The following AKR1C3 variants were observed in gnomAD, a reference collection of about 807,000 sequenced individuals.
The protein encoded by AKR1C3 is 3-alpha hydroxysteroid dehydrogenase, type II.
A neutral mutation model predicts 43.6 loss-of-function variants in AKR1C3; 48 were observed. That is an observed-to-expected ratio of 1.10 (90% confidence interval 0.87 to 1.40). AKR1C3 has a LOEUF of 1.40. Among genes scored for constraint, AKR1C3 ranks in the 40% most tolerant of loss-of-function variants. AKR1C3 has a pLI of 0.00. For synonymous variants in AKR1C3, 162 were observed against 139.6 expected, an observed-to-expected ratio of 1.16 and a Z score of -1.13; for missense variants, 482 against 391.2, an observed-to-expected ratio of 1.23 and a Z score of -1.96.
upstream of AKR1C3, among the ~76,000 whole-genome samples, chr10:5,092,339 G>T (rs1839111132): frequency 6.6e-6 from 1 of 151,918 alleles, no homozygotes. Flanking sequence ...GCCAATTTGA[G>T]AACTTTTTGA....
At chr10:5,096,290 C>G (rs140602833) in intron 1 of AKR1C3, 120 bp from the exon 2 acceptor site, 2 of 1,264,136 alleles carry the variant, frequency 1.6e-6, no homozygotes, top group East Asian at 5.0e-5. Flanking sequence ...CTGAGATGGA[C>G]TTTTCACCCC....
intron 3 of AKR1C3, chr10:5,098,084 T>G (rs1186169337): frequency 2.0e-6 from 2 of 992,644 alleles, no homozygotes; most frequent in South Asian, 4.6e-5. Flanking sequence ...CAGGAATTAC[T>G]GTGTAGTGTA....
chr10:5,103,841 C>G (rs181067215), intron 7 of AKR1C3, among the ~76,000 whole-genome samples: 1 of 152,114 alleles, frequency 6.6e-6, no homozygotes, highest in Non-Finnish European at 1.5e-5. Context: ...TTCATATAAC[C>G]AAGCAAGTGG....
intron 1 of AKR1C3, 154 bp from the exon 2 acceptor site, chr10:5,096,256 C>T (rs1554785092): frequency 5.7e-6 from 5 of 875,224 alleles, no homozygotes; most frequent in Admixed American, 3.0e-5. Flanking sequence ...ACCTTTATTA[C>T]TAACCAGGAA....
At chr10:5,062,066 A>G (rs1274344799) in intron 1 of AKR1C3, among the ~76,000 whole-genome samples, 2 of 152,250 alleles carry the variant, frequency 1.3e-5, no homozygotes, top group African/African-American at 4.8e-5. Flanking sequence ...AGTTTTTAGG[A>G]GTACAAAGTA....
chr10:5,098,657 TG>T, intron 3 of AKR1C3, 144 bp from the exon 4 acceptor site: 1 of 663,788 alleles, frequency 1.5e-6, no homozygotes, highest in Non-Finnish European at 2.7e-6. Context: ...TACCTTCATA[TG>T]TAAAACACTT....
At chr10:5,087,909 T>C (rs1839007042) in intron 1 of AKR1C3, among the ~76,000 whole-genome samples, 1 of 152,114 alleles carries the variant, frequency 6.6e-6, no homozygotes, top group African/African-American at 2.4e-5. Flanking sequence ...TCCTTAGAAG[T>C]GACTTTAGGT....
intron 1 of AKR1C3, among the ~76,000 whole-genome samples, chr10:5,075,305 A>T (rs78052757): frequency 0.017 from 2,531 of 152,024 alleles, 63 homozygotes; most frequent in African/African-American, 0.058. Context: ...GCCTTTTGTT[A>T]GGTGAATTTT....
In AKR1C3 at chr10:5,053,053, C is replaced by G. The variant is rs1483595617; in HGVS notation, c.84+4158C>G. Among the ~76,000 whole-genome samples, 3 of 152,246 alleles carry G rather than the reference C, an allele frequency of 2.0e-5. No individual in the cohort carries two copies. The East Asian group carries it at 5.8e-4, about 29-fold the overall frequency. ...CTAGACATAAAGGTTCTCCAAGTCC[C>G]CACCAGACTCAGGAGCCCAGCTGGC... On this transcript the variant is annotated intron_variant, in intron 1 of 8. Coordinates refer to the AKR1C3 transcript ENST00000439082.
chr10:5,064,997 A>G (rs1838469126), intron 1 of AKR1C3, among the ~76,000 whole-genome samples: 1 of 152,050 alleles, frequency 6.6e-6, no homozygotes, highest in South Asian at 2.1e-4. Flanking sequence ...GTGGCAAACA[A>G]GCATATGAAA....
Position 5,098,812 on chromosome 10 carries a change from A to G in AKR1C3, c.380A>G (p.Glu127Gly). The change falls in exon 4 of 9, where the codon GAA becomes GGA. Residue 127 changes from glutamate (E) to glycine (G), a missense_variant. Coordinates refer to ENST00000380554, the MANE Select transcript of AKR1C3 (RefSeq NM_003739.6). ...HSPMSLKPGE[E>G]LSPTDENGKV... is the part of the protein sequence containing the mutation. ...CTGCTTCTATTTCAGCCAGGTGAGG[A>G]ACTTTCACCAACAGATGAAAATGGA... is the stretch of plus-strand genomic sequence containing the variant. 1.2e-6 allele frequency: 2 copies of G among 1,613,366 alleles called. No individual in the cohort carries two copies. Among genetic ancestry groups the G allele is most frequent in the Non-Finnish European group, 1.7e-6 (2 of 1,179,686 alleles).
chr10:5,087,362 C>T (rs1554783291), intron 1 of AKR1C3, among the ~76,000 whole-genome samples: 1 of 141,992 alleles, frequency 7.0e-6, no homozygotes, highest in East Asian at 2.1e-4. Context: ...GTTTTAATGT[C>T]ACCTTTATCA....
At chr10:5,090,669 G>A (rs1007628883), upstream of AKR1C3, among the ~76,000 whole-genome samples, 3 of 152,044 alleles carry the variant, frequency 2.0e-5, no homozygotes, top group African/African-American at 4.8e-5. Flanking sequence ...GTGTCATCTG[G>A]TTGGGTCAGC....
intron 1 of AKR1C3, among the ~76,000 whole-genome samples, chr10:5,054,031 G>C (rs1838210903): frequency 6.6e-6 from 1 of 152,214 alleles, no homozygotes; most frequent in Admixed American, 6.5e-5. Context: ...GTTGGTATAA[G>C]AATTTGAAAG....
chr10:5,094,411 A>G (rs373655319), upstream of AKR1C3: 7 of 1,610,392 alleles, frequency 4.3e-6, no homozygotes, highest in Non-Finnish European at 5.9e-6. Flanking sequence ...GAGAAGCAGC[A>G]GCAAACATTT....
chr10:5,082,290 C>T (rs1283781379), intron 1 of AKR1C3, among the ~76,000 whole-genome samples: 1 of 152,086 alleles, frequency 6.6e-6, no homozygotes, highest in Non-Finnish European at 1.5e-5. Flanking sequence ...ATTTTCTTTA[C>T]CTGATTGCCA....
chr10:5,107,607 C>A lies in AKR1C3; in HGVS notation c.*104C>A. 3.4e-6 allele frequency: 3 copies of A among 893,538 alleles called. No homozygotes were observed. Among genetic ancestry groups the A allele is most frequent in the South Asian group, 1.6e-5 (1 of 63,240 alleles). 55.4% of individuals were successfully genotyped at this position (893,538 alleles called of 1,614,324 possible). On this transcript the variant is annotated 3_prime_UTR_variant, in exon 9 of 9. Transcript: ENST00000380554. Reference sequence around the variant, plus strand: ...TGGACATATCACCTCTACTTAAATCCGTCCTGTTTAGCGACTTCAGTCAAC... The same window carrying A: ...TGGACATATCACCTCTACTTAAATCAGTCCTGTTTAGCGACTTCAGTCAAC...
At chr10:5,061,810 T>C (rs1209939603) in intron 1 of AKR1C3, among the ~76,000 whole-genome samples, 3 of 152,216 alleles carry the variant, frequency 2.0e-5, no homozygotes, top group African/African-American at 4.8e-5. Flanking sequence ...TTTATTATAC[T>C]TGATGTTTTT....
intron 1 of AKR1C3, among the ~76,000 whole-genome samples, chr10:5,049,279 A>T (rs1386129189): frequency 6.6e-6 from 1 of 152,210 alleles, no homozygotes; most frequent in Non-Finnish European, 1.5e-5. Flanking sequence ...TTCTAAGAAG[A>T]CATAATACAG....
Sources: gnomAD v4.1 joint callset for allele counts (sites outside exome capture counted in the v4.1 genomes callset) on GRCh38, gnomAD v4.1.1 for gene constraint, MANE v1.5 for transcripts, NCBI Gene and HGNC (gene_info 2026-07-23, HGNC 2026-07-21) for gene names.